The following PKN2 variants were observed in gnomAD, a reference collection of about 807,000 sequenced individuals.
PKN2 encodes serine/threonine-protein kinase N2.
Under a neutral mutation model 119.1 loss-of-function variants are expected in PKN2, and 38 were observed. The ratio of observed to expected loss-of-function variants is 0.32; its 90% confidence interval spans 0.25 to 0.42. PKN2 has a LOEUF of 0.42. PKN2 is among the 10% of genes least tolerant of loss of function. The pLI is 1.00. For missense variants in PKN2, 850 were observed against 1,165.1 expected, an observed-to-expected ratio of 0.73 and a Z score of 3.94; for synonymous variants, 390 against 384.9, an observed-to-expected ratio of 1.01 and a Z score of -0.15.
intron 1 of PKN2, among the ~76,000 whole-genome samples, chr1:88,729,532 T>G (rs961721570): frequency 2.4e-4 from 36 of 152,206 alleles, no homozygotes; most frequent in Admixed American, 2.4e-3. Context: ...ACACATGGCC[T>G]CTTTCCACAT....
Position 88,833,072 on chromosome 1 carries a change from G to A in PKN2, c.2671-5G>A. ...TTTTAACTTTTTTATTTTACATTAT[G>A]CTAGCTGTTAAGAAGAAATCCTGAA... On this transcript the variant is annotated splice_region_variant and splice_polypyrimidine_tract_variant and intron_variant, in intron 20 of 21. Transcript: ENST00000370521. The A allele has an allele frequency of 6.2e-7, 1 of 1,606,122 alleles. No individual in the cohort carries two copies. The highest frequency in any genetic ancestry group is 1.1e-5 in the South Asian group (1 of 89,904).
At chr1:88,829,696 G>A (rs1672656398) in intron 19 of PKN2, among the ~76,000 whole-genome samples, 1 of 152,178 alleles carries the variant, frequency 6.6e-6, no homozygotes, top group African/African-American at 2.4e-5. Context: ...AAGATTACTT[G>A]AAGGGACTTG....
chr1:88,733,356 T>A (rs1668219847), intron 1 of PKN2, among the ~76,000 whole-genome samples: 1 of 151,286 alleles, frequency 6.6e-6, no homozygotes, highest in African/African-American at 2.5e-5. Context: ...TGCTATCTTT[T>A]GATTTTTTGA....
At chr1:88,709,724 G>A (rs1012537541) in intron 1 of PKN2, among the ~76,000 whole-genome samples, 3 of 152,098 alleles carry the variant, frequency 2.0e-5, no homozygotes, top group Admixed American at 2.0e-4. Flanking sequence ...CAGCATACAT[G>A]TTATTATTTA....
chr1:88,758,739 C>A (rs1669318001), intron 2 of PKN2, among the ~76,000 whole-genome samples: 1 of 152,026 alleles, frequency 6.6e-6, no homozygotes, highest in Admixed American at 6.6e-5. Context: ...GCATAATATT[C>A]CATGGTGTGT....
intron 2 of PKN2, among the ~76,000 whole-genome samples, chr1:88,746,809 A>G (rs943884619): frequency 1.3e-5 from 2 of 152,180 alleles, no homozygotes; most frequent in South Asian, 2.1e-4. Context: ...CTGCACTCCT[A>G]TGTTCATTCC....
At chr1:88,763,607 CAAAAAAAA>C (rs34763457) in intron 3 of PKN2, among the ~76,000 whole-genome samples, 1 of 103,402 alleles carries the variant, frequency 9.7e-6, no homozygotes, top group Admixed American at 1.1e-4. Flanking sequence ...AACTCCATCT[CAAAAAAAA>C]AAAAAAAAAA....
chr1:88,734,196 T>A (rs1050438978), intron 1 of PKN2, among the ~76,000 whole-genome samples: 8 of 152,204 alleles, frequency 5.3e-5, no homozygotes, highest in Admixed American at 3.3e-4. Context: ...GTTTTAGAGT[T>A]TTGGATTTAG....
At chr1:88,733,014 G>A (rs1222982545) in intron 1 of PKN2, among the ~76,000 whole-genome samples, 1 of 152,128 alleles carries the variant, frequency 6.6e-6, no homozygotes, top group Non-Finnish European at 1.5e-5. Flanking sequence ...AGGGAAAAAC[G>A]GGTAGGGAAG....
chr1:88,686,391 A>G (rs1666100937), intron 1 of PKN2, among the ~76,000 whole-genome samples: 1 of 152,144 alleles, frequency 6.6e-6, no homozygotes, highest in Non-Finnish European at 1.5e-5. Flanking sequence ...TGTATTAATA[A>G]CATTTAGGAT....
At position 88,752,397 on chromosome 1, in the gene PKN2, A is replaced by ACT. The variant is rs540991857; in HGVS notation, c.350-7824_350-7823insTC. 8.5e-4 allele frequency among the ~76,000 whole-genome samples: 130 copies of ACT among 152,260 alleles called. 1 individual carries two copies. Among genetic ancestry groups the ACT allele is most frequent in the Non-Finnish European group, 1.5e-3 (103 of 67,988 alleles). On this transcript the variant is annotated intron_variant, in intron 2 of 21. Coordinates refer to ENST00000370521, the MANE Select transcript of PKN2 (RefSeq NM_006256.4). ...ATTTCACAATCTGTATAGGATAAAT[A>ACT]CAGTAAGTAAAATCTTTACAAGGCT...
Position 88,744,333 on chromosome 1 carries a change from T to C in PKN2, c.349+3045T>C, listed in dbSNP as rs529295747. Among the ~76,000 whole-genome samples, 9 of 152,344 alleles carry C rather than the reference T, an allele frequency of 5.9e-5. No homozygotes were observed. The East Asian group carries it at 1.7e-3, about 29-fold the overall frequency. ...TTGTCTTGTGGGTACATAAGCTTAG[T>C]AAGCAGAACAAATGACTGAAGGAAA... On this transcript the variant is annotated intron_variant, in intron 2 of 21. Coordinates refer to ENST00000370521, the MANE Select transcript of PKN2 (RefSeq NM_006256.4).
intron 8 of PKN2, among the ~76,000 whole-genome samples, chr1:88,794,421 C>G (rs190906580): frequency 6.6e-6 from 1 of 151,426 alleles, no homozygotes; most frequent in Admixed American, 6.6e-5. Flanking sequence ...CTCTTGTTGT[C>G]CTGAATGATA....
chr1:88,717,920 A>G (rs566179056), intron 1 of PKN2, among the ~76,000 whole-genome samples: 38 of 152,240 alleles, frequency 2.5e-4, no homozygotes, highest in African/African-American at 8.9e-4. Flanking sequence ...GTTTCTCCCC[A>G]TCTTTGTGGT....
At chr1:88,690,705 T>G (rs1164479836) in intron 1 of PKN2, among the ~76,000 whole-genome samples, 1 of 152,212 alleles carries the variant, frequency 6.6e-6, no homozygotes, top group Non-Finnish European at 1.5e-5. Context: ...TACTTGGTTT[T>G]TTTTTGCAAT....
intron 1 of PKN2, 61 bp from the exon 2 acceptor site, chr1:88,740,927 A>G (rs1372591971): frequency 9.4e-7 from 1 of 1,067,446 alleles, no homozygotes; most frequent in East Asian, 2.4e-5. Flanking sequence ...AAAACACTGC[A>G]TATTTACTGA....
intron 1 of PKN2, among the ~76,000 whole-genome samples, chr1:88,716,876 T>C (rs1280692162): frequency 3.3e-5 from 5 of 152,224 alleles, no homozygotes; most frequent in Non-Finnish European, 4.4e-5. Flanking sequence ...GTTGATGCAG[T>C]TTCTTCCTAT....
chr1:88,815,011 A>G (rs1671928178), intron 16 of PKN2, among the ~76,000 whole-genome samples: 1 of 152,194 alleles, frequency 6.6e-6, no homozygotes, highest in Non-Finnish European at 1.5e-5. Flanking sequence ...GGTTAATTCT[A>G]ATGGGTACTG....
At chr1:88,685,282 T>TA (rs1666044286) in intron 1 of PKN2, 1 of 151,602 alleles carries the variant, frequency 6.6e-6, no homozygotes, top group African/African-American at 2.4e-5. Context: ...GAGTGATAAA[T>TA]ACAGGGTGCC....
Sources: gnomAD v4.1 joint callset for allele counts (sites outside exome capture counted in the v4.1 genomes callset) on GRCh38, gnomAD v4.1.1 for gene constraint, MANE v1.5 for transcripts, NCBI Gene and HGNC (gene_info 2026-07-23, HGNC 2026-07-21) for gene names.